Variants in PCDH7 observed in about 807,000 individuals in gnomAD.
PCDH7 encodes the protein protocadherin 7.
PCDH7 carries 17 observed loss-of-function variants against 58.9 expected under a neutral mutation model. The observed-to-expected ratio is 0.29, with a 90% CI of 0.20 to 0.43. The LOEUF (loss-of-function observed/expected upper bound fraction) is 0.43. Among genes scored for constraint, PCDH7 ranks in the 20% least tolerant of loss-of-function variants. The probability of loss-of-function intolerance (pLI) is 1.00; values close to 1 mark genes in which losing one functional copy is unlikely to be tolerated. For synonymous variants in PCDH7, 664 were observed against 616.4 expected (o/e 1.08, Z -1.14); for missense variants, 1,274 against 1,441.0 (o/e 0.88, Z 1.88).
chr4:30,810,160 C>A (rs1726786326), intron 1 of PCDH7, among the ~76,000 whole-genome samples: 1 of 152,122 alleles, frequency 6.6e-6, no homozygotes, highest in Non-Finnish European at 1.5e-5. Flanking sequence ...TCGTATGTTC[C>A]ATTAGCACAG....
At chr4:30,764,557 A>T (rs1292610887) in intron 1 of PCDH7, among the ~76,000 whole-genome samples, 1 of 152,234 alleles carries the variant, frequency 6.6e-6, no homozygotes, top group African/African-American at 2.4e-5. Context: ...TTAAATCTTT[A>T]TATGACATTG....
intron 1 of PCDH7, among the ~76,000 whole-genome samples, chr4:30,824,734 C>T (rs1234156463): frequency 1.3e-5 from 2 of 152,116 alleles, no homozygotes; most frequent in Non-Finnish European, 2.9e-5. Flanking sequence ...AAGCAGAGCA[C>T]ATTGCAGAAT....
At chr4:30,929,407 T>C (rs754392571) in intron 2 of PCDH7, among the ~76,000 whole-genome samples, 1 of 152,176 alleles carries the variant, frequency 6.6e-6, no homozygotes, top group Non-Finnish European at 1.5e-5. Context: ...GCAGGTAGAT[T>C]TTTTGGCATT....
chr4:31,078,181 G>C (rs1170158708), intron 3 of PCDH7, among the ~76,000 whole-genome samples: 1 of 152,118 alleles, frequency 6.6e-6, no homozygotes, highest in Non-Finnish European at 1.5e-5. Flanking sequence ...TGGTTGCATT[G>C]GGAGGGACGC....
intron 3 of PCDH7, among the ~76,000 whole-genome samples, chr4:31,080,585 C>T (rs932439433): frequency 2.6e-5 from 4 of 152,078 alleles, no homozygotes; most frequent in African/African-American, 7.2e-5. Flanking sequence ...AGAGTAAGAT[C>T]GTTCTTTAGA....
At chr4:31,129,789 C>A (rs950451628) in intron 3 of PCDH7, among the ~76,000 whole-genome samples, 1 of 151,928 alleles carries the variant, frequency 6.6e-6, no homozygotes, top group Non-Finnish European at 1.5e-5. Flanking sequence ...CCACCACACC[C>A]AGATAAATTT....
intron 1 of PCDH7, among the ~76,000 whole-genome samples, chr4:30,757,845 T>C (rs1719515812): frequency 6.6e-6 from 1 of 152,208 alleles, no homozygotes; most frequent in Non-Finnish European, 1.5e-5. Context: ...TAAAAGCTTG[T>C]AGAATGATTG....
intron 3 of PCDH7, among the ~76,000 whole-genome samples, chr4:31,049,529 G>A (rs1446711036): frequency 1.3e-5 from 2 of 152,046 alleles, no homozygotes; most frequent in African/African-American, 2.4e-5. Context: ...GGCTTAAATC[G>A]TTGATATTGA....
intron 3 of PCDH7, among the ~76,000 whole-genome samples, chr4:31,070,660 G>A (rs1245078402): frequency 1.3e-5 from 2 of 151,976 alleles, no homozygotes; most frequent in Non-Finnish European, 1.5e-5. Context: ...TTAAATTACT[G>A]TAGCCTATGG....
At chr4:30,818,397 C>G (rs188877436) in intron 1 of PCDH7, among the ~76,000 whole-genome samples, 1 of 152,242 alleles carries the variant, frequency 6.6e-6, no homozygotes, top group East Asian at 1.9e-4. Context: ...TTCTAGTTAT[C>G]ATATGCCAAA....
At chr4:31,026,700 C>T (rs1231607191) in intron 3 of PCDH7, among the ~76,000 whole-genome samples, 2 of 152,144 alleles carry the variant, frequency 1.3e-5, no homozygotes, top group African/African-American at 4.8e-5. Flanking sequence ...ATATTTGTAA[C>T]ACCTCTTATT....
intron 2 of PCDH7, among the ~76,000 whole-genome samples, chr4:30,942,638 A>C (rs1366697131): frequency 1.3e-5 from 2 of 152,066 alleles, no homozygotes; most frequent in East Asian, 3.9e-4. Context: ...CCCTTAAAAA[A>C]ATTATTTTCT....
chr4:30,994,081 T>TTGG (rs1560562572), intron 3 of PCDH7, among the ~76,000 whole-genome samples: 1 of 151,772 alleles, frequency 6.6e-6, no homozygotes, highest in Non-Finnish European at 1.5e-5. Context: ...AATAGTGGTG[T>TTGG]GGGCATCCTA....
At chr4:30,854,282 T>A (rs1733159273) in intron 1 of PCDH7, among the ~76,000 whole-genome samples, 1 of 148,522 alleles carries the variant, frequency 6.7e-6, no homozygotes, top group Non-Finnish European at 1.5e-5. Context: ...TTTAACTGCA[T>A]CCCTGGCCCT....
chr4:31,142,991 C>CTCCAG, downstream of PCDH7: 3 of 495,976 alleles, frequency 6.0e-6, no homozygotes, highest in Non-Finnish European at 1.0e-5. Flanking sequence ...GCCTCCAGAT[C>CTCCAG]AGGCCTTTAG....
chr4:31,142,529 G>C, exon 4 of PCDH7: 1 of 1,367,744 alleles, frequency 7.3e-7, no homozygotes, highest in Non-Finnish European at 9.8e-7. Context: ...TGAGTGTGAT[G>C]AGTATGGCCA....
chr4:30,915,442 A>G (rs6856304), intron 1 of PCDH7, among the ~76,000 whole-genome samples: 9,797 of 152,218 alleles, frequency 0.064, 406 homozygotes, highest in East Asian at 0.14. Context: ...TTGATCACAT[A>G]GGATTGCCTT....
At chr4:31,020,374 G>A (rs1196375267) in intron 3 of PCDH7, among the ~76,000 whole-genome samples, 1 of 152,090 alleles carries the variant, frequency 6.6e-6, no homozygotes, top group African/African-American at 2.4e-5. Context: ...TCTCTCGCAC[G>A]CGCGTGCACA....
chr4:30,911,705 G>A (rs529219557), intron 1 of PCDH7, among the ~76,000 whole-genome samples: 4 of 151,984 alleles, frequency 2.6e-5, no homozygotes, highest in Admixed American at 1.3e-4. Context: ...GAAAAAACCC[G>A]AGAAGCTGAC....
Sources: gnomAD v4.1 joint callset for allele counts (sites outside exome capture counted in the v4.1 genomes callset) on GRCh38, gnomAD v4.1.1 for gene constraint, MANE v1.5 for transcripts, NCBI Gene and HGNC (gene_info 2026-07-23, HGNC 2026-07-21) for gene names.